ANK2: variants seen among roughly 807,000 people sequenced by gnomAD.
ANK2 encodes ankyrin 2.
ANK2 carries 83 observed loss-of-function variants against 360.5 expected under a neutral mutation model. The observed-to-expected ratio is 0.23, with a 90% confidence interval of 0.19 to 0.28. The LOEUF is 0.28. Among genes scored for constraint, ANK2 ranks in the 10% least tolerant of loss-of-function variants. ANK2 has a pLI of 1.00. For missense variants in ANK2, 4,201 were observed against 4,795.7 expected (o/e 0.88, Z 3.66); for synonymous variants, 1,740 against 1,759.5 (o/e 0.99, Z 0.28).
intron 2 of ANK2, among the ~76,000 whole-genome samples, chr4:113,182,019 A>G (rs1182682716): frequency 1.3e-5 from 2 of 152,138 alleles, no homozygotes; most frequent in Admixed American, 1.3e-4. Flanking sequence ...AGCAGGGAAC[A>G]CTTTTGTGAT....
intron 2 of ANK2, among the ~76,000 whole-genome samples, chr4:113,042,384 C>G (rs2063182304): frequency 6.6e-6 from 1 of 152,130 alleles, no homozygotes; most frequent in Non-Finnish European, 1.5e-5. Flanking sequence ...GACTTCTCAG[C>G]CTCTGCAGTG....
At chr4:112,781,462 G>A in the ANK2 span, among the ~76,000 whole-genome samples, 3 of 151,744 alleles carry the variant, frequency 2.0e-5, no homozygotes, top group Admixed American at 6.6e-5. Context: ...GTAACTAATC[G>A]TGTTTTATAT....
chr4:113,354,968 A>T lies in ANK2; in HGVS notation c.6350A>T (p.Asp2117Val). ...GAAGTGCCCAAAGAAAAGATGGCTG[A>T]TGAGCAGGGAGACATGGATCTACAG... ...ESEVPKEKMADEQGDMDLQIS... is the reference protein window; with the variant it reads ...ESEVPKEKMAVEQGDMDLQIS... Residue 2117 changes from aspartate (D) to valine (V), a missense_variant, in exon 38 of 46, where the codon GAT (aspartate) becomes GTT (valine). Asp to Val is a radical substitution (Grantham distance 152, BLOSUM62 -3). Transcript: ENST00000357077. The T allele has an allele frequency of 6.2e-7, 1 of 1,614,130 alleles. No homozygotes were observed. The highest frequency in any genetic ancestry group is 8.5e-7 in the Non-Finnish European group (1 of 1,179,998).
In ANK2 at chr4:113,353,823, G is replaced by A. The variant is rs1389532841; in HGVS notation, c.5205G>A (p.Glu1735=). The change falls in exon 38 of 46, where the codon GAG becomes GAA. Residue 1735 remains glutamate, a synonymous_variant. Transcript: ENST00000357077. ...KAELKKGSSE[E]SLGEDPGLAP... ...AACTTAAAAAAGGTAGTTCAGAAGA[G>A]TCATTAGGTGAAGACCCAGGTTTAG... 3 of 1,614,008 alleles carry A rather than the reference G, an allele frequency of 1.9e-6. No homozygotes were observed. Among genetic ancestry groups the A allele is most frequent in the Non-Finnish European group, 2.5e-6 (3 of 1,179,990 alleles).
chr4:113,166,359 C>T (rs973957952), intron 1 of ANK2, among the ~76,000 whole-genome samples: 1 of 151,798 alleles, frequency 6.6e-6, no homozygotes, highest in Non-Finnish European at 1.5e-5. Context: ...CATGAAATAC[C>T]AAATACAGAT....
chr4:113,297,131 TAGAA>T, intron 22 of ANK2, among the ~76,000 whole-genome samples: 1 of 152,158 alleles, frequency 6.6e-6, no homozygotes, highest in Admixed American at 6.5e-5. Flanking sequence ...TACAGTCAGA[TAGAA>T]GGAGTAAGAT....
chr4:113,288,299 C>T (rs2065747463), intron 19 of ANK2, 89 bp from the exon 20 acceptor site: 1 of 1,069,666 alleles, frequency 9.3e-7, no homozygotes, highest in African/African-American at 1.6e-5. Context: ...AACTGATACT[C>T]TACCCAGTCC....
At chr4:113,146,762 A>G (rs1562402633) in intron 1 of ANK2, among the ~76,000 whole-genome samples, 1 of 152,124 alleles carries the variant, frequency 6.6e-6, no homozygotes, top group East Asian at 1.9e-4. Context: ...TGTCAGATCC[A>G]GGAATTTGAC....
rs142143336 is a variant in ANK2, at chr4:113,091,622, C to T, written c.84+41810C>T. Among the ~76,000 whole-genome samples the T allele has an allele frequency of 4.6e-3, 707 of 152,292 alleles. 4 individuals are homozygous for T. The highest frequency in any genetic ancestry group is 8.4e-3 in the Admixed American group (128 of 15,288). On this transcript the variant is annotated intron_variant, in intron 1 of 45. Coordinates refer to ENST00000357077, the MANE Select transcript of ANK2 (RefSeq NM_001148.6). ...CAAAATTAGCTTTTAATAGCAGTAG[C>T]TAACGTTATGCAGTGCTTATTATGT...
intron 20 of ANK2, among the ~76,000 whole-genome samples, chr4:113,289,394 A>G (rs1388421844): frequency 6.6e-6 from 1 of 151,770 alleles, no homozygotes; most frequent in African/African-American, 2.4e-5. Flanking sequence ...GTTTTTGTAG[A>G]GATGAGGTTT....
chr4:112,994,076 C>T (rs770996987), intron 2 of ANK2, among the ~76,000 whole-genome samples: 8 of 152,172 alleles, frequency 5.3e-5, no homozygotes, highest in Non-Finnish European at 1.5e-5. Context: ...GAACATCTCA[C>T]GTATTGCTAG....
At chr4:112,875,483 CATTTATTTATTTATTT>C (rs71582152) in intron 1 of ANK2, among the ~76,000 whole-genome samples, 1 of 148,570 alleles carries the variant, frequency 6.7e-6, no homozygotes, top group South Asian at 2.1e-4. Context: ...AGGCTAATTA[CATTTATTTATTTATTT>C]ATTTATTTAT....
chr4:113,071,420 A>G (rs940617865), intron 1 of ANK2, among the ~76,000 whole-genome samples: 2 of 152,214 alleles, frequency 1.3e-5, no homozygotes, highest in African/African-American at 4.8e-5. Context: ...GAGATCAGGC[A>G]GGGCTTCATA....
chr4:113,161,671 C>T (rs2097538788), intron 1 of ANK2, among the ~76,000 whole-genome samples: 1 of 150,682 alleles, frequency 6.6e-6, no homozygotes, highest in African/African-American at 2.5e-5. Flanking sequence ...GAGAAAACTC[C>T]TGTACAAAAT....
intron 2 of ANK2, among the ~76,000 whole-genome samples, chr4:112,915,884 A>G (rs1216302548): frequency 6.6e-6 from 1 of 152,042 alleles, no homozygotes; most frequent in Non-Finnish European, 1.5e-5. Flanking sequence ...TTTGCTTAGT[A>G]TAATTATTAT....
intron 4 of ANK2, among the ~76,000 whole-genome samples, chr4:113,201,072 G>A (rs1450186435): frequency 6.6e-6 from 1 of 151,844 alleles, no homozygotes; most frequent in Non-Finnish European, 1.5e-5. Context: ...TCGTTTTGAC[G>A]TAACGATTTC....
At chr4:112,900,427 C>A (rs2150843385) in intron 1 of ANK2, among the ~76,000 whole-genome samples, 1 of 152,128 alleles carries the variant, frequency 6.6e-6, no homozygotes, top group South Asian at 2.1e-4. Flanking sequence ...TATGGTGAAG[C>A]ATTATTTAAC....
At chr4:113,237,764 A>T in intron 7 of ANK2, 142 bp downstream of exon 7, 1 of 753,070 alleles carries the variant, frequency 1.3e-6, no homozygotes, top group South Asian at 1.6e-5. Context: ...CCCATAATGA[A>T]GGCAAACTGA....
intron 14 of ANK2, among the ~76,000 whole-genome samples, chr4:113,273,186 G>T (rs1482556736): frequency 1.3e-5 from 2 of 152,110 alleles, no homozygotes; most frequent in Non-Finnish European, 2.9e-5. Context: ...CTGAATTCAA[G>T]TTCTGTTTTA....
Sources: allele counts gnomAD v4.1 joint callset (sites outside exome capture counted in the v4.1 genomes callset), GRCh38; gene constraint gnomAD v4.1.1; transcripts MANE v1.5; gene names NCBI Gene and HGNC (gene_info 2026-07-23, HGNC 2026-07-21).